The following CLVS1 variants were observed in gnomAD, a reference collection of about 807,000 sequenced individuals.
CLVS1 encodes the protein clavesin 1, also known as clavesin-1.
CLVS1 carries 10 observed loss-of-function variants against 33.1 expected under a neutral mutation model. The observed-to-expected ratio is 0.30, with a 90% CI of 0.19 to 0.51. The LOEUF is 0.51. CLVS1 is among the 20% of genes least tolerant of loss of function. The pLI is 0.97. For synonymous variants in CLVS1, 163 were observed against 166.1 expected, an observed-to-expected ratio of 0.98 and a Z score of 0.14; for missense variants, 343 against 433.4, an observed-to-expected ratio of 0.79 and a Z score of 1.85.
the CLVS1 span, among the ~76,000 whole-genome samples, chr8:61,028,441 A>T: frequency 6.6e-6 from 1 of 152,238 alleles, no homozygotes; most frequent in African/African-American, 2.4e-5. Flanking sequence ...CAAGTGAGAT[A>T]ATTACAATGA....
chr8:61,443,196 A>G (rs558970879), intron 3 of CLVS1, among the ~76,000 whole-genome samples: 2 of 152,302 alleles, frequency 1.3e-5, no homozygotes, highest in South Asian at 4.1e-4. Flanking sequence ...GCTTTCATCT[A>G]CTTCGCATGA....
intron 5 of CLVS1, among the ~76,000 whole-genome samples, chr8:61,479,432 A>T (rs553537293): frequency 1.3e-5 from 2 of 152,086 alleles, no homozygotes; most frequent in Non-Finnish European, 1.5e-5. Flanking sequence ...TTTCAGCTCC[A>T]TCAGGTCCTT....
intron 2 of CLVS1, among the ~76,000 whole-genome samples, chr8:61,219,225 G>T (rs1363049506): frequency 2.6e-5 from 4 of 151,704 alleles, no homozygotes; most frequent in South Asian, 2.1e-4. Flanking sequence ...GAACATGCAG[G>T]TCTGTTACAT....
At chr8:61,008,404 GAA>G in the CLVS1 span, among the ~76,000 whole-genome samples, 4,613 of 151,184 alleles carry the variant, frequency 0.031, 96 homozygotes, top group Middle Eastern at 0.057. Flanking sequence ...CTAAATTAGA[GAA>G]GAGAGGAGTA....
At chr8:61,460,124 A>G (rs992984059) in intron 5 of CLVS1, among the ~76,000 whole-genome samples, 2 of 152,230 alleles carry the variant, frequency 1.3e-5, no homozygotes, top group African/African-American at 2.4e-5. Context: ...GGGATGAGGA[A>G]GACTTCAGCC....
intron 2 of CLVS1, among the ~76,000 whole-genome samples, chr8:61,277,486 G>C (rs1165649343): frequency 6.6e-6 from 1 of 152,146 alleles, no homozygotes; most frequent in Non-Finnish European, 1.5e-5. Flanking sequence ...AAAGACACAG[G>C]TGAAGACAGA....
chr8:61,330,042 A>G (rs972759276), intron 2 of CLVS1, among the ~76,000 whole-genome samples: 2 of 152,166 alleles, frequency 1.3e-5, no homozygotes, highest in Non-Finnish European at 2.9e-5. Flanking sequence ...GCCCACCTGC[A>G]GCTGGTACCA....
chr8:61,320,756 C>T (rs922018457), intron 2 of CLVS1, among the ~76,000 whole-genome samples: 1 of 152,178 alleles, frequency 6.6e-6, no homozygotes, highest in African/African-American at 2.4e-5. Context: ...CTAGAGCCCT[C>T]ATGAGCTAAT....
At chr8:61,384,806 A>G (rs1814017991) in intron 3 of CLVS1, among the ~76,000 whole-genome samples, 2 of 152,180 alleles carry the variant, frequency 1.3e-5, no homozygotes, top group African/African-American at 2.4e-5. Flanking sequence ...AGAAGCAGTG[A>G]CTGAGAAAAG....
At chr8:61,197,290 C>A (rs1807636679) in intron 2 of CLVS1, among the ~76,000 whole-genome samples, 1 of 152,118 alleles carries the variant, frequency 6.6e-6, no homozygotes, top group Non-Finnish European at 1.5e-5. Flanking sequence ...TGTCTTCTCC[C>A]CAGTGTATGT....
the CLVS1 span, among the ~76,000 whole-genome samples, chr8:61,025,676 C>T: frequency 6.6e-6 from 1 of 152,276 alleles, no homozygotes; most frequent in South Asian, 2.1e-4. Context: ...ATCAGGGTCA[C>T]TTTTGTTATA....
intron 2 of CLVS1, among the ~76,000 whole-genome samples, chr8:61,366,768 C>G (rs915792308): frequency 2.6e-5 from 4 of 152,178 alleles, no homozygotes; most frequent in African/African-American, 9.7e-5. Context: ...GCAAGCATTC[C>G]TTTGTTATAA....
At chr8:61,176,928 T>G (rs1807123352) in intron 2 of CLVS1, among the ~76,000 whole-genome samples, 1 of 152,222 alleles carries the variant, frequency 6.6e-6, no homozygotes, top group South Asian at 2.1e-4. Flanking sequence ...AGAATCTGCC[T>G]AAGTCTGCTG....
At chr8:61,311,363 C>T (rs1422074758) in intron 2 of CLVS1, among the ~76,000 whole-genome samples, 1 of 152,228 alleles carries the variant, frequency 6.6e-6, no homozygotes, top group East Asian at 1.9e-4. Context: ...CTACCACTCA[C>T]TCTCTAATTC....
intron 2 of CLVS1, among the ~76,000 whole-genome samples, chr8:61,313,050 T>G (rs1464056880): frequency 6.6e-6 from 1 of 152,142 alleles, no homozygotes; most frequent in Non-Finnish European, 1.5e-5. Flanking sequence ...CCCCTTCTGC[T>G]CCTCCTGCAT....
intron 3 of CLVS1, among the ~76,000 whole-genome samples, chr8:61,442,899 G>A (rs938317043): frequency 7.2e-5 from 11 of 152,240 alleles, no homozygotes; most frequent in African/African-American, 1.2e-4. Context: ...GTGCCTGGCC[G>A]GAGGTGTCAC....
chr8:61,228,846 C>T (rs1808379502), intron 2 of CLVS1, among the ~76,000 whole-genome samples: 1 of 152,168 alleles, frequency 6.6e-6, no homozygotes, highest in South Asian at 2.1e-4. Flanking sequence ...AATGCCACAA[C>T]AATAGCATAA....
chr8:61,236,067 GAGAAAGCAA>G (rs1351195847), intron 2 of CLVS1, among the ~76,000 whole-genome samples: 2 of 152,176 alleles, frequency 1.3e-5, no homozygotes, highest in Non-Finnish European at 2.9e-5. Context: ...CACCCTTGGT[GAGAAAGCAA>G]AGTCTGCCAG....
intron 1 of CLVS1, among the ~76,000 whole-genome samples, chr8:61,067,548 A>G (rs1382873660): frequency 1.3e-5 from 2 of 151,612 alleles, no homozygotes; most frequent in African/African-American, 2.4e-5. Flanking sequence ...CAAAAAATCC[A>G]CAATAGTTCA....
Sources: allele counts gnomAD v4.1 joint callset (sites outside exome capture counted in the v4.1 genomes callset), GRCh38; gene constraint gnomAD v4.1.1; transcripts MANE v1.5; gene names NCBI Gene and HGNC (gene_info 2026-07-23, HGNC 2026-07-21).